The following HHAT variants were observed in gnomAD, a reference collection of about 807,000 sequenced individuals.
The protein encoded by HHAT is hedgehog acyltransferase, also known as protein-cysteine N-palmitoyltransferase HHAT.
In HHAT, 47 loss-of-function variants were observed where a neutral mutation model predicts 70.8. That is an observed-to-expected ratio of 0.66 (90% CI 0.53 to 0.85). The LOEUF is 0.85. Among genes scored for constraint, HHAT ranks in the 40% least tolerant of loss-of-function variants. The probability of loss-of-function intolerance (pLI) is 0.00; values close to 1 mark genes in which losing one functional copy is unlikely to be tolerated. For synonymous variants in HHAT, 228 were observed against 247.6 expected (o/e 0.92, Z 0.74); for missense variants, 609 against 604.8 (o/e 1.01, Z -0.07).
intron 2 of HHAT, among the ~76,000 whole-genome samples, chr1:210,352,582 G>C (rs1223456876): frequency 6.6e-6 from 1 of 152,208 alleles, no homozygotes; most frequent in African/African-American, 2.4e-5. Flanking sequence ...GGGCATCTGC[G>C]TGGCTACTCT....
chr1:210,671,879 C>T (rs1321286755), intron 11 of HHAT, among the ~76,000 whole-genome samples: 1 of 152,240 alleles, frequency 6.6e-6, no homozygotes. Flanking sequence ...CTGCTGCCCT[C>T]ACCTCTCTTG....
chr1:210,580,071 C>A (rs1376032366), intron 9 of HHAT, among the ~76,000 whole-genome samples: 2 of 152,178 alleles, frequency 1.3e-5, no homozygotes, highest in African/African-American at 4.8e-5. Context: ...ATAAACCCTA[C>A]AATGTTCTGT....
intron 1 of HHAT, among the ~76,000 whole-genome samples, chr1:210,331,019 A>G (rs1373197117): frequency 6.6e-6 from 1 of 151,984 alleles, no homozygotes; most frequent in East Asian, 1.9e-4. Context: ...TCACCATGTC[A>G]ACCAGGCTGG....
rs532665179 is a variant in HHAT at position 210,605,854 on chromosome 1, GT to G, written c.1246-17661del. On this transcript the variant is annotated intron_variant, in intron 10 of 11. Transcript: ENST00000261458. ...TAATTTTATTAATTTCTTCATTTAT[GT>G]TTTTTTTTTTCCTCTTTTGAGGCAG... Among the ~76,000 whole-genome samples the G allele has an allele frequency of 3.4e-3, 503 of 147,572 alleles. 4 individuals are homozygous for G. The highest frequency in any genetic ancestry group is 4.5e-3 in the South Asian group (21 of 4,624).
intron 11 of HHAT, among the ~76,000 whole-genome samples, chr1:210,661,933 T>G (rs532714216): frequency 1.3e-5 from 2 of 152,284 alleles, no homozygotes; most frequent in East Asian, 1.9e-4. Flanking sequence ...TGTATACATA[T>G]GTAACAAACC....
chr1:210,630,524 A>G (rs1346787421), intron 11 of HHAT, among the ~76,000 whole-genome samples: 1 of 152,222 alleles, frequency 6.6e-6, no homozygotes, highest in Non-Finnish European at 1.5e-5. Context: ...GAGATTTGTT[A>G]TCTTCAGGGA....
intron 9 of HHAT, among the ~76,000 whole-genome samples, chr1:210,538,934 G>A (rs965685459): frequency 1.1e-4 from 17 of 152,092 alleles, no homozygotes; most frequent in African/African-American, 3.9e-4. Flanking sequence ...AAAATTAGCC[G>A]AGTGAGGTGG....
intron 6 of HHAT, among the ~76,000 whole-genome samples, chr1:210,405,385 C>T (rs1347717129): frequency 6.6e-6 from 1 of 152,058 alleles, no homozygotes; most frequent in Non-Finnish European, 1.5e-5. Flanking sequence ...AACATAATTG[C>T]TAAGTTAATT....
intron 10 of HHAT, among the ~76,000 whole-genome samples, chr1:210,594,383 T>C (rs868627298): frequency 1.3e-5 from 2 of 152,224 alleles, no homozygotes; most frequent in African/African-American, 2.4e-5. Context: ...TATTTTAAAC[T>C]GACATCTTAA....
intron 9 of HHAT, among the ~76,000 whole-genome samples, chr1:210,554,136 T>A (rs182728824): frequency 6.6e-6 from 1 of 152,264 alleles, no homozygotes; most frequent in African/African-American, 2.4e-5. Context: ...AGAGTAATAA[T>A]ACCGATGATG....
intron 4 of HHAT, among the ~76,000 whole-genome samples, chr1:210,398,668 G>T (rs554584996): frequency 6.6e-6 from 1 of 152,270 alleles, no homozygotes; most frequent in South Asian, 2.1e-4. Flanking sequence ...ACATAACTGT[G>T]TCTATGTATG....
At chr1:210,567,147 G>A (rs368019292) in intron 9 of HHAT, among the ~76,000 whole-genome samples, 2 of 152,288 alleles carry the variant, frequency 1.3e-5, no homozygotes, top group South Asian at 2.1e-4. Flanking sequence ...GGGTGTCAGG[G>A]AACTCTACCA....
At chr1:210,479,002 T>C (rs559784676) in intron 8 of HHAT, among the ~76,000 whole-genome samples, 37 of 105,806 alleles carry the variant, frequency 3.5e-4, no homozygotes, top group African/African-American at 1.1e-3. Flanking sequence ...CTCTTGGCTG[T>C]TGTACTCTGA....
chr1:210,439,611 G>C (rs2093459089), intron 7 of HHAT: 1 of 151,964 alleles, frequency 6.6e-6, no homozygotes, highest in South Asian at 2.1e-4. Context: ...GGTTCTTTTG[G>C]AGTGAAAGCC....
chr1:210,351,503 AG>A (rs2147981454), intron 2 of HHAT, among the ~76,000 whole-genome samples: 2 of 152,318 alleles, frequency 1.3e-5, no homozygotes, highest in African/African-American at 4.8e-5. Flanking sequence ...ATTCTTCTTT[AG>A]CCTGGTGATG....
intron 9 of HHAT, among the ~76,000 whole-genome samples, chr1:210,585,054 A>G (rs1660132123): frequency 6.6e-6 from 1 of 152,238 alleles, no homozygotes; most frequent in Non-Finnish European, 1.5e-5. Context: ...AAACTGCTAC[A>G]TTCTCACATG....
intron 7 of HHAT, among the ~76,000 whole-genome samples, chr1:210,434,551 C>T (rs1345308775): frequency 6.6e-6 from 1 of 151,806 alleles, no homozygotes; most frequent in Non-Finnish European, 1.5e-5. Flanking sequence ...GGAAGACACA[C>T]ACTATCTCTT....
chr1:210,400,054 A>G (rs2091989638), intron 4 of HHAT, among the ~76,000 whole-genome samples: 1 of 152,176 alleles, frequency 6.6e-6, no homozygotes, highest in South Asian at 2.1e-4. Context: ...GTGTACTAAT[A>G]CTTTCTCTCA....
At chr1:210,595,786 A>G (rs922957647) in intron 10 of HHAT, among the ~76,000 whole-genome samples, 5 of 151,926 alleles carry the variant, frequency 3.3e-5, no homozygotes, top group African/African-American at 1.2e-4. Context: ...GTCTATTCAT[A>G]TCCTTCGCCC....
Sources: allele counts gnomAD v4.1 joint callset (sites outside exome capture counted in the v4.1 genomes callset), GRCh38; gene constraint gnomAD v4.1.1; transcripts MANE v1.5; gene names NCBI Gene and HGNC (gene_info 2026-07-23, HGNC 2026-07-21).